Variants in DPP10 observed in about 807,000 individuals in gnomAD.
DPP10 encodes the protein dipeptidyl peptidase like 10.
In DPP10, 33 loss-of-function variants were observed where a neutral mutation model predicts 120.9. The observed-to-expected ratio is 0.27, with a 90% confidence interval of 0.21 to 0.37. The LOEUF is 0.37. Ranked by LOEUF, DPP10 falls within the 10% of genes least tolerant of loss-of-function variation. The pLI, the probability that DPP10 is intolerant of heterozygous loss-of-function variation, is 1.00. For missense variants in DPP10, 816 were observed against 942.8 expected (o/e 0.87, Z 1.76); for synonymous variants, 337 against 326.1 (o/e 1.03, Z -0.36).
chr2:115,205,878 G>A (rs996720636), intron 1 of DPP10, among the ~76,000 whole-genome samples: 1 of 152,152 alleles, frequency 6.6e-6, no homozygotes, highest in Admixed American at 6.6e-5. Flanking sequence ...GCTGGAAGAG[G>A]GGGAAGCAGG....
chr2:115,078,788 A>G (rs914753368), intron 1 of DPP10, among the ~76,000 whole-genome samples: 2 of 139,006 alleles, frequency 1.4e-5, no homozygotes, highest in Admixed American at 7.6e-5. Flanking sequence ...TGGTCTTCAT[A>G]TTAAAGACAT....
At chr2:115,511,395 G>A (rs1309996646) in intron 4 of DPP10, among the ~76,000 whole-genome samples, 1 of 151,974 alleles carries the variant, frequency 6.6e-6, no homozygotes, top group Non-Finnish European at 1.5e-5. Flanking sequence ...GTTCATTTCT[G>A]TAAGGTTGAT....
intron 1 of DPP10, among the ~76,000 whole-genome samples, chr2:114,937,351 T>G (rs989125781): frequency 6.6e-6 from 1 of 152,248 alleles, no homozygotes; most frequent in South Asian, 2.1e-4. Context: ...TGGTGTCCTT[T>G]CCACACTTTG....
intron 1 of DPP10, among the ~76,000 whole-genome samples, chr2:114,827,746 A>T (rs1406959333): frequency 6.6e-6 from 1 of 152,200 alleles, no homozygotes; most frequent in Non-Finnish European, 1.5e-5. Context: ...GCAGTGGAGG[A>T]AGCTGGGGGA....
chr2:114,491,603 T>A (rs1318444188), intron 1 of DPP10, among the ~76,000 whole-genome samples: 1 of 152,198 alleles, frequency 6.6e-6, no homozygotes, highest in African/African-American at 2.4e-5. Flanking sequence ...GTGGTTCATT[T>A]CCACTGGAAA....
chr2:115,493,435 G>C (rs1396228022), intron 3 of DPP10, among the ~76,000 whole-genome samples: 1 of 151,814 alleles, frequency 6.6e-6, no homozygotes, highest in African/African-American at 2.4e-5. Context: ...CTGGCCTATG[G>C]GAAATGTCAG....
At chr2:114,587,482 T>G (rs1052827557) in intron 1 of DPP10, among the ~76,000 whole-genome samples, 1 of 151,978 alleles carries the variant, frequency 6.6e-6, no homozygotes, top group Non-Finnish European at 1.5e-5. Flanking sequence ...TCATTTACTG[T>G]CCATTTGTTC....
rs189013080 is a variant in DPP10, at chr2:115,381,674, C to G, written c.271+37762C>G. On this transcript the variant is annotated intron_variant, in intron 3 of 25. Coordinates refer to ENST00000410059, the MANE Select transcript of DPP10 (RefSeq NM_020868.6). ...TTTTTCTGCTCTGGTTTTTCCCCATCTTTGTGGTTTTATCTACTTTTGGTC... is the reference window on the plus strand; with the variant it reads ...TTTTTCTGCTCTGGTTTTTCCCCATGTTTGTGGTTTTATCTACTTTTGGTC... 2.0e-5 allele frequency among the ~76,000 whole-genome samples: 3 copies of G among 152,304 alleles called. No individual in the cohort carries two copies. In the East Asian group the frequency reaches 5.8e-4, roughly 29 times the overall value.
chr2:114,964,042 C>T (rs572367148), intron 1 of DPP10, among the ~76,000 whole-genome samples: 36 of 152,244 alleles, frequency 2.4e-4, no homozygotes, highest in Middle Eastern at 3.4e-3. Context: ...AGAACCCACC[C>T]ATAGACCTTT....
intron 1 of DPP10, among the ~76,000 whole-genome samples, chr2:114,522,061 G>A (rs1387187561): frequency 7.0e-6 from 1 of 143,136 alleles, no homozygotes; most frequent in African/African-American, 2.6e-5. Context: ...CTCACTGCAA[G>A]CTCCGCCTCC....
At chr2:115,734,022 T>C (rs2092973730) in intron 8 of DPP10, among the ~76,000 whole-genome samples, 1 of 152,250 alleles carries the variant, frequency 6.6e-6, no homozygotes, top group Admixed American at 6.5e-5. Context: ...GGATGACTGT[T>C]AAGCAAATGC....
At chr2:115,791,233 A>G in intron 18 of DPP10, 54 bp downstream of exon 18, 1 of 1,605,622 alleles carries the variant, frequency 6.2e-7, no homozygotes, top group South Asian at 1.1e-5. Flanking sequence ...TGCGTCTTAT[A>G]GTTTTACCTG....
At chr2:115,135,709 T>C (rs947885342) in intron 1 of DPP10, among the ~76,000 whole-genome samples, 2 of 152,176 alleles carry the variant, frequency 1.3e-5, no homozygotes, top group African/African-American at 4.8e-5. Flanking sequence ...AATGGTGATA[T>C]CAAATCACCA....
chr2:114,970,209 G>A (rs1699303970), intron 1 of DPP10, among the ~76,000 whole-genome samples: 1 of 152,134 alleles, frequency 6.6e-6, no homozygotes, highest in Non-Finnish European at 1.5e-5. Context: ...GATGAAATAA[G>A]TGGAAAGCTA....
chr2:115,241,126 G>T (rs1195144063), intron 1 of DPP10, among the ~76,000 whole-genome samples: 1 of 152,142 alleles, frequency 6.6e-6, no homozygotes, highest in East Asian at 1.9e-4. Flanking sequence ...AAAATTAGCT[G>T]GGCGTGGTGG....
intron 1 of DPP10, among the ~76,000 whole-genome samples, chr2:114,948,498 C>G (rs1214991789): frequency 6.6e-6 from 1 of 152,158 alleles, no homozygotes; most frequent in Non-Finnish European, 1.5e-5. Context: ...TTATACTCCT[C>G]TCAATCTGGG....
chr2:115,818,200 TA>T (rs763896249), intron 21 of DPP10, among the ~76,000 whole-genome samples: 15 of 152,190 alleles, frequency 9.9e-5, no homozygotes, highest in Admixed American at 3.3e-4. Flanking sequence ...AATTTTTGTC[TA>T]GTTTCATATT....
intron 2 of DPP10, among the ~76,000 whole-genome samples, chr2:115,339,453 G>A (rs940969259): frequency 2.0e-4 from 31 of 151,910 alleles, no homozygotes; most frequent in African/African-American, 7.3e-4. Context: ...TGCATATTTG[G>A]GCATTTATCT....
At chr2:115,837,880 G>A (rs1314952458) in intron 24 of DPP10, among the ~76,000 whole-genome samples, 1 of 151,586 alleles carries the variant, frequency 6.6e-6, no homozygotes, top group African/African-American at 2.4e-5. Context: ...ATAGACCAGA[G>A]GAAGTTTAAA....
Sources: gnomAD v4.1 joint callset for allele counts (sites outside exome capture counted in the v4.1 genomes callset) on GRCh38, gnomAD v4.1.1 for gene constraint, MANE v1.5 for transcripts, NCBI Gene and HGNC (gene_info 2026-07-23, HGNC 2026-07-21) for gene names.